The following SETBP1 variants were observed in gnomAD, a reference collection of about 807,000 sequenced individuals.
The protein encoded by SETBP1 is SET-binding protein.
In SETBP1, 9 loss-of-function variants were observed where a neutral mutation model predicts 101.0. The observed-to-expected ratio is 0.09, with a 90% CI of 0.05 to 0.16. SETBP1 has a LOEUF of 0.16. Ranked by LOEUF, SETBP1 falls within the 10% of genes least tolerant of loss-of-function variation. SETBP1 has a pLI of 1.00. For missense variants in SETBP1, 1,858 were observed against 2,033.8 expected, an observed-to-expected ratio of 0.91 and a Z score of 1.66; for synonymous variants, 818 against 788.5, an observed-to-expected ratio of 1.04 and a Z score of -0.63.
At chr18:44,680,584 G>C (rs776246051), upstream of SETBP1, among the ~76,000 whole-genome samples, 1 of 152,146 alleles carries the variant, frequency 6.6e-6, no homozygotes, top group Non-Finnish European at 1.5e-5. Context: ...GCGGGATGCC[G>C]GTCCGGGCGA....
intron 2 of SETBP1, among the ~76,000 whole-genome samples, chr18:44,712,421 G>C (rs1014491285): frequency 8.5e-5 from 13 of 152,130 alleles, no homozygotes; most frequent in African/African-American, 2.4e-4. Flanking sequence ...GTTTAGTGTT[G>C]TTCATGAGAA....
At chr18:44,720,031 T>A (rs1030219221) in intron 2 of SETBP1, among the ~76,000 whole-genome samples, 11 of 152,160 alleles carry the variant, frequency 7.2e-5, no homozygotes, top group African/African-American at 2.7e-4. Context: ...CTGAAGAGGG[T>A]GGCGCGCATT....
intron 2 of SETBP1, among the ~76,000 whole-genome samples, chr18:44,832,625 G>A (rs1419386649): frequency 2.0e-5 from 3 of 152,076 alleles, no homozygotes; most frequent in African/African-American, 4.8e-5. Context: ...CCCCAAACTC[G>A]GTGCCCTTTG....
At chr18:45,025,455 A>G (rs1211863724) in intron 4 of SETBP1, among the ~76,000 whole-genome samples, 1 of 152,216 alleles carries the variant, frequency 6.6e-6, no homozygotes, top group Non-Finnish European at 1.5e-5. Context: ...CTGAACTACT[A>G]GAGATAAAGA....
intron 2 of SETBP1, among the ~76,000 whole-genome samples, chr18:44,815,649 G>C (rs535276588): frequency 6.6e-6 from 1 of 152,262 alleles, no homozygotes; most frequent in East Asian, 1.9e-4. Flanking sequence ...GCAAGTGATA[G>C]GACTCATGTA....
intron 2 of SETBP1, among the ~76,000 whole-genome samples, chr18:44,758,273 C>T (rs2070549633): frequency 6.6e-6 from 1 of 152,172 alleles, no homozygotes; most frequent in Admixed American, 6.5e-5. Context: ...TAAATCTGTT[C>T]TGAGATCATT....
chr18:44,783,915 T>C (rs2071187447), intron 2 of SETBP1, among the ~76,000 whole-genome samples: 1 of 152,192 alleles, frequency 6.6e-6, no homozygotes, highest in South Asian at 2.1e-4. Context: ...TATGCCTATA[T>C]TGCAAATTTC....
intron 2 of SETBP1, among the ~76,000 whole-genome samples, chr18:44,861,640 C>T (rs144292433): frequency 1.3e-5 from 2 of 152,218 alleles, no homozygotes; most frequent in African/African-American, 4.8e-5. Context: ...TTAGCCAAGC[C>T]AGGCTCAAAT....
chr18:44,709,528 C>T (rs2069294502), intron 2 of SETBP1, among the ~76,000 whole-genome samples: 2 of 152,190 alleles, frequency 1.3e-5, no homozygotes, highest in African/African-American at 4.8e-5. Flanking sequence ...ACAGCAGCCC[C>T]TCCTTGTTGA....
rs11082414 is a variant in SETBP1, at chr18:44,950,031, G to A, written c.691G>A (p.Val231Ile). The change falls in exon 4 of 6, where the codon GTC becomes ATC. Residue 231 changes from valine to isoleucine, a missense_variant. Coordinates refer to ENST00000649279, the MANE Select transcript of SETBP1 (RefSeq NM_015559.3). Reference protein sequence around the residue: ...DWSTNSDSGPVTQNCFISPES... With the variant: ...DWSTNSDSGPITQNCFISPES... ...GTCCACCAACTCTGACAGCGGACCC[G>A]TCACTCAGAATTGCTTCATCAGTCC... 9.2e-5 allele frequency: 148 copies of A among 1,613,986 alleles called. No individual in the cohort carries two copies. The highest frequency in any genetic ancestry group is 1.1e-4 in the Non-Finnish European group (130 of 1,180,018).
At chr18:44,960,325 C>T (rs1254788150) in intron 4 of SETBP1, among the ~76,000 whole-genome samples, 1 of 152,054 alleles carries the variant, frequency 6.6e-6, no homozygotes, top group African/African-American at 2.4e-5. Context: ...CTTAATCAAG[C>T]GAGCAGTGGC....
chr18:44,848,073 GT>G (rs2072759473), intron 2 of SETBP1, among the ~76,000 whole-genome samples: 1 of 9,520 alleles, frequency 1.1e-4, no homozygotes, highest in East Asian at 1.8e-3. Context: ...CTCTCTGAAG[GT>G]GTGTGTGTGT....
At chr18:44,688,944 TG>T (rs1245843990) in intron 1 of SETBP1, among the ~76,000 whole-genome samples, 2 of 152,186 alleles carry the variant, frequency 1.3e-5, no homozygotes, top group African/African-American at 2.4e-5. Flanking sequence ...TACACTTGCT[TG>T]GGAAAGGCCT....
At chr18:45,004,974 G>A (rs2072694191) in intron 4 of SETBP1, among the ~76,000 whole-genome samples, 1 of 152,192 alleles carries the variant, frequency 6.6e-6, no homozygotes, top group Non-Finnish European at 1.5e-5. Flanking sequence ...TGGGACAAAG[G>A]AATTTCATGG....
At chr18:44,801,269 TTAAAG>T (rs754446817) in intron 2 of SETBP1, among the ~76,000 whole-genome samples, 6 of 151,718 alleles carry the variant, frequency 4.0e-5, no homozygotes, top group Admixed American at 6.6e-5. Flanking sequence ...ACCCTAGAAA[TTAAAG>T]TATTTAAAAA....
chr18:44,892,918 C>A (rs1160875827), intron 3 of SETBP1, among the ~76,000 whole-genome samples: 1 of 152,094 alleles, frequency 6.6e-6, no homozygotes, highest in Non-Finnish European at 1.5e-5. Flanking sequence ...ATCTCCATGA[C>A]CCTAAGCAAT....
intron 2 of SETBP1, among the ~76,000 whole-genome samples, chr18:44,804,208 A>C (rs2071677044): frequency 6.6e-6 from 1 of 152,124 alleles, no homozygotes; most frequent in East Asian, 1.9e-4. Context: ...TAGTGTGTGC[A>C]TGGTTGTGCA....
At chr18:45,046,274 A>G (rs573961673) in intron 5 of SETBP1, among the ~76,000 whole-genome samples, 76 of 152,290 alleles carry the variant, frequency 5.0e-4, no homozygotes, top group African/African-American at 1.6e-3. Flanking sequence ...GGTTCATGAA[A>G]AGGTACACTC....
intron 2 of SETBP1, among the ~76,000 whole-genome samples, chr18:44,713,196 A>G (rs549913471): frequency 3.8e-4 from 58 of 151,872 alleles, no homozygotes; most frequent in Admixed American, 1.5e-3. Context: ...TGACCTCGTG[A>G]TCCTCCCACC....
Sources: gnomAD v4.1 joint callset for allele counts (sites outside exome capture counted in the v4.1 genomes callset) on GRCh38, gnomAD v4.1.1 for gene constraint, MANE v1.5 for transcripts, NCBI Gene and HGNC (gene_info 2026-07-23, HGNC 2026-07-21) for gene names.